EML3: variants seen among roughly 807,000 people sequenced by gnomAD.
EML3 encodes echinoderm microtubule-associated protein-like 3.
A neutral mutation model predicts 106.7 loss-of-function variants in EML3; 53 were observed. The observed-to-expected ratio is 0.50, with a 90% CI of 0.40 to 0.62. The LOEUF is 0.62. EML3 is among the 20% of genes least tolerant of loss of function. The probability of loss-of-function intolerance (pLI) is 0.00; values close to 1 mark genes in which losing one functional copy is unlikely to be tolerated. For missense variants in EML3, 994 were observed against 1,209.1 expected (o/e 0.82, Z 2.64); for synonymous variants, 499 against 489.6 (o/e 1.02, Z -0.25).
chr11:62,607,363 G>T, intron 11 of EML3: 1 of 464,496 alleles, frequency 2.2e-6, no homozygotes, highest in Non-Finnish European at 3.8e-6. Context: ...TGGCCAACAT[G>T]ATGAAACCGT....
At chr11:62,603,097 G>A in intron 20 of EML3, 52 bp downstream of exon 20, 6 of 1,604,894 alleles carry the variant, frequency 3.7e-6, no homozygotes, top group South Asian at 1.1e-5. Flanking sequence ...AGCCCAAACT[G>A]GGCTCCACCT....
In EML3 at chr11:62,608,604, G is replaced by A; in HGVS notation, c.1048C>T (p.Leu350=). The change falls in exon 9 of 22, where the codon CTG becomes TTG. Residue 350 remains leucine, a synonymous_variant. Transcript: ENST00000394773. ...AAGGCCCCCAGTCCAATCTCCTGCAGTTTCAACAGCGTCTCTGAGTCCCAG... is the reference window on the plus strand; with the variant it reads ...AAGGCCCCCAGTCCAATCTCCTGCAATTTCAACAGCGTCTCTGAGTCCCAG... The part of the protein sequence containing the change: ...HIWDSETLLK[L]QEIGLGAFER... The A allele has an allele frequency of 6.2e-7, 1 of 1,614,224 alleles. No homozygotes were observed. Among genetic ancestry groups the A allele is most frequent in the Non-Finnish European group, 8.5e-7 (1 of 1,180,040 alleles).
Position 62,608,966 on chromosome 11 carries a change from G to T in EML3, c.925C>A (p.Arg309=). The change falls in exon 7 of 22, where the codon CGA becomes AGA. Residue 309 remains arginine, a synonymous_variant. Coordinates refer to ENST00000394773, the MANE Select transcript of EML3 (RefSeq NM_153265.3). ...CACCAGCCCCGGACTCCTCACCATC[G>T]AACGCAGTCTGTGTGCCCCCGGTAA... ...RHYRGHTDCV[R]CLAVHPDGVR... is the part of the protein sequence containing the mutation. 6.2e-7 allele frequency: 1 copy of T among 1,613,596 alleles called. No individual in the cohort carries two copies.
rs1942810781 is a variant in EML3 at position 62,611,337 on chromosome 11, C to T, written c.202G>A (p.Ala68Thr). ...TPAPPGDSLA[A>T]PPGLPPTCTP... ...CACGTGGGTGGCAGTCCTGGGGGGG[C>T]TGCAAGACTGCTGGAGAGATGTTGA... is the stretch of plus-strand genomic sequence containing the variant. The change falls in exon 3 of 22, where the codon GCC (alanine) becomes ACC (threonine). Residue 68 changes from alanine to threonine, a missense_variant. Around this residue, in one of 3 missense-constraint regions of EML3, gnomAD observed 269 missense variants for 265.1 expected, o/e 1.01. Transcript: ENST00000394773. The T allele has an allele frequency of 2.5e-6, 4 of 1,612,816 alleles. No homozygotes were observed. In the African/African-American group the frequency reaches 5.3e-5, roughly 22 times the overall value.
chr11:62,610,538 G>A (rs1942758005), intron 4 of EML3, among the ~76,000 whole-genome samples: 1 of 152,178 alleles, frequency 6.6e-6, no homozygotes, highest in East Asian at 1.9e-4. Context: ...AGTGGAAAGG[G>A]TAGGGGAACT....
chr11:62,606,173 A>G lies in EML3; in HGVS notation c.1546T>C (p.Ser516Pro), dbSNP rs750671374. Residue 516 changes from serine (S) to proline (P), a missense_variant, in exon 13 of 22, where the codon TCT (serine) becomes CCT (proline). Coordinates refer to ENST00000394773, the MANE Select transcript of EML3 (RefSeq NM_153265.3). ...CTCCGGAGACACAAGGCGAAGATAG[A>G]ACCTTCATGAGCGTGAGCCTGGGCC... The part of the protein sequence containing the change: ...IVAQAHAHEG[S>P]IFALCLRRDG... 6.2e-7 allele frequency: 1 copy of G among 1,614,036 alleles called. No individual in the cohort carries two copies. The highest frequency in any genetic ancestry group is 8.5e-7 in the Non-Finnish European group (1 of 1,180,040).
In EML3 at chr11:62,608,574, G is replaced by A. The variant is rs576869809; in HGVS notation, c.1078C>T (p.Arg360Trp). The A allele has an allele frequency of 1.5e-5, 24 of 1,613,966 alleles. No homozygotes were observed. The highest frequency in any genetic ancestry group is 1.7e-4 in the Middle Eastern group (1 of 6,036). ...GAAAAGGCCAGGGCCCCAACACCCC[G>A]CTCGAAGGCCCCCAGTCCAATCTCC... Reference protein sequence around the residue: ...LQEIGLGAFERGVGALAFSAA... With the variant: ...LQEIGLGAFEWGVGALAFSAA... The change falls in exon 9 of 22, where the codon CGG becomes TGG. Residue 360 changes from arginine (R) to tryptophan (W), a missense_variant. By Grantham distance (101) the Arg-to-Trp change is moderately radical. Around this residue, in one of 3 missense-constraint regions of EML3, gnomAD observed 713 missense variants for 920.5 expected, o/e 0.77. Transcript: ENST00000394773.
intron 12 of EML3, 86 bp downstream of exon 12, chr11:62,606,872 A>AG: frequency 7.0e-7 from 1 of 1,435,790 alleles, no homozygotes; most frequent in Non-Finnish European, 9.3e-7. Context: ...AAAAAAAAAA[A>AG]AAGATGGGAA....
In EML3 at chr11:62,608,595, T is replaced by A. The variant is rs141649608; in HGVS notation, c.1057A>T (p.Ile353Phe). Residue 353 changes from isoleucine (I) to phenylalanine (F), a missense_variant, in exon 9 of 22, where the codon ATT becomes TTT. Transcript: ENST00000394773. ...CCCCGCTCGAAGGCCCCCAGTCCAA[T>A]CTCCTGCAGTTTCAACAGCGTCTCT... ...DSETLLKLQE[I>F]GLGAFERGVG... The A allele has an allele frequency of 1.3e-4, 212 of 1,613,942 alleles. No individual in the cohort carries two copies. Among genetic ancestry groups the A allele is most frequent in the Non-Finnish European group, 1.7e-4 (198 of 1,180,008 alleles).
intron 3 of EML3, 38 bp downstream of exon 3, chr11:62,611,049 C>T: frequency 1.9e-6 from 3 of 1,604,726 alleles, no homozygotes; most frequent in Non-Finnish European, 1.7e-6. Context: ...ATCCTACCAC[C>T]CCTCCCAGCT....
Position 62,602,300 on chromosome 11 carries a change from G to A in EML3, c.*175C>T. On this transcript the variant is annotated 3_prime_UTR_variant, in exon 22 of 22. Coordinates refer to ENST00000394773, the MANE Select transcript of EML3 (RefSeq NM_153265.3). ...TGGGGCTGCCCGGCTCAGCCAGCGG[G>A]TCTAAACAGTGTGTGCAGGGGCGCC... is the stretch of plus-strand genomic sequence containing the variant. 17 of 1,550,836 alleles carry A rather than the reference G, an allele frequency of 1.1e-5. No individual in the cohort carries two copies. Among genetic ancestry groups the A allele is most frequent in the Non-Finnish European group, 1.5e-5 (17 of 1,146,848 alleles).
chr11:62,612,661 G>A lies in EML3; in HGVS notation c.-204C>T. Reference sequence around the variant, plus strand: ...GGGGCCGCAGTCTCCAGACCCCCCCGGGCCCTCGGACTCTCCCGGGGCCGC... The same window carrying A: ...GGGGCCGCAGTCTCCAGACCCCCCCAGGCCCTCGGACTCTCCCGGGGCCGC... On this transcript the variant is annotated 5_prime_UTR_variant, in exon 1 of 22. Coordinates refer to ENST00000394773, the MANE Select transcript of EML3 (RefSeq NM_153265.3). 2.4e-6 allele frequency: 1 copy of A among 417,084 alleles called. No individual in the cohort carries two copies. Among genetic ancestry groups the A allele is most frequent in the East Asian group, 3.9e-5 (1 of 25,318 alleles). The allele number at this position is 417,084 out of a possible 1,614,324, so 25.8% of individuals were successfully genotyped here.
At chr11:62,607,861 G>C in intron 10 of EML3, 40 bp from the exon 11 acceptor site, 1 of 1,595,938 alleles carries the variant, frequency 6.3e-7, no homozygotes, top group Non-Finnish European at 8.6e-7. Flanking sequence ...CCAAGCCCTG[G>C]GTACCTTCAT....
In EML3 at chr11:62,607,666, C is replaced by T; in HGVS notation, c.1362G>A (p.Gly454=). ...GTLTRKQGVF[G]KYKKPKFIPC... ...CACCTTCCACTTATCCATGCCTCACCCCAAAGACACCCTGTTTCCGGGTAA... is the reference window on the plus strand; with the variant it reads ...CACCTTCCACTTATCCATGCCTCACTCCAAAGACACCCTGTTTCCGGGTAA... The change falls in exon 11 of 22, where the codon GGG becomes GGA. Residue 454 remains glycine, a splice_region_variant and synonymous_variant. Transcript: ENST00000394773. 1 of 1,612,420 alleles carries T rather than the reference C, an allele frequency of 6.2e-7. No homozygotes were observed. The highest frequency in any genetic ancestry group is 8.5e-7 in the Non-Finnish European group (1 of 1,179,340).
rs1216889043 is a variant in EML3, at chr11:62,602,520, G to A, written c.2646C>T (p.Pro882=). ...AGGAGPAPAT[P]SRTPSLSPAS... ...CGGGGGACAGGGAGGGGGTTCGAGAGGGCGTGGCGGGCGCCGGCCCCGCGC... is the reference window on the plus strand; with the variant it reads ...CGGGGGACAGGGAGGGGGTTCGAGAAGGCGTGGCGGGCGCCGGCCCCGCGC... Residue 882 remains proline, a synonymous_variant, in exon 22 of 22, where the codon CCC becomes CCT. Transcript: ENST00000394773. The A allele has an allele frequency of 8.0e-6, 12 of 1,495,476 alleles. No homozygotes were observed. Among genetic ancestry groups the A allele is most frequent in the East Asian group, 2.5e-5 (1 of 40,128 alleles). 92.6% of individuals were successfully genotyped at this position (1,495,476 alleles called of 1,614,324 possible). A position where few individuals can be genotyped will look rare whatever the true frequency, so the allele number is the denominator to read the frequency against.
Position 62,603,751 on chromosome 11 carries a change from A to G in EML3, c.2235T>C (p.Ser745=). 6.2e-7 allele frequency: 1 copy of G among 1,614,120 alleles called. No homozygotes were observed. The highest frequency in any genetic ancestry group is 8.5e-7 in the Non-Finnish European group (1 of 1,180,018). Residue 745 remains serine (S), a synonymous_variant, in exon 19 of 22, where the codon TCT becomes TCC. Coordinates refer to ENST00000394773, the MANE Select transcript of EML3 (RefSeq NM_153265.3). Reference sequence around the variant, plus strand: ...CACAGTAAAGAATCTCATAGTCCCCAGAATTGGACATGATGAAATTCCCAT... The same window carrying G: ...CACAGTAAAGAATCTCATAGTCCCCGGAATTGGACATGATGAAATTCCCAT... The part of the protein sequence containing the change: ...SKDGNFIMSN[S]GDYEILYWDV...
At chr11:62,607,408 C>T in intron 11 of EML3, 1 of 468,206 alleles carries the variant, frequency 2.1e-6, no homozygotes, top group Non-Finnish European at 3.7e-6. Flanking sequence ...AGCCGGCGCG[C>T]ATCTGTAATC....
At chr11:62,609,289 G>A (rs1277169023) in intron 6 of EML3, 65 bp downstream of exon 6, 1 of 1,539,966 alleles carries the variant, frequency 6.5e-7, no homozygotes, top group Admixed American at 2.0e-5. Context: ...GGAGGAAACT[G>A]TAAAGGTAAG....
At chr11:62,611,671 C>T in intron 1 of EML3, 75 bp from the exon 2 acceptor site, 2 of 1,488,058 alleles carry the variant, frequency 1.3e-6, no homozygotes, top group Middle Eastern at 1.8e-4. Context: ...TGTCTCCCCA[C>T]AACTTTACAT....
Sources: allele counts gnomAD v4.1 joint callset (sites outside exome capture counted in the v4.1 genomes callset), GRCh38; gene constraint gnomAD v4.1.1; regional missense constraint gnomAD v4.1.1; transcripts MANE v1.5; gene names NCBI Gene and HGNC (gene_info 2026-07-23, HGNC 2026-07-21).